PRKCB: variants seen among roughly 807,000 people sequenced by gnomAD.
PRKCB encodes protein kinase C beta type.
A neutral mutation model predicts 81.5 loss-of-function variants in PRKCB; 13 were observed. The ratio of observed to expected loss-of-function variants is 0.16; its 90% confidence interval spans 0.10 to 0.25. PRKCB has a LOEUF of 0.25. Ranked by LOEUF, PRKCB falls within the 10% of genes least tolerant of loss-of-function variation. The probability of loss-of-function intolerance (pLI) is 1.00; values close to 1 mark genes in which losing one functional copy is unlikely to be tolerated. For synonymous variants in PRKCB, 335 were observed against 321.4 expected, an observed-to-expected ratio of 1.04 and a Z score of -0.45; for missense variants, 509 against 875.7, an observed-to-expected ratio of 0.58 and a Z score of 5.29.
intron 8 of PRKCB, among the ~76,000 whole-genome samples, chr16:24,116,716 T>C (rs953368656): frequency 1.3e-5 from 2 of 152,228 alleles, no homozygotes; most frequent in Non-Finnish European, 2.9e-5. Context: ...AGGCAGTCTT[T>C]CCAGAGAACA....
chr16:24,198,044 T>G (rs1289097101), intron 16 of PRKCB, among the ~76,000 whole-genome samples: 2 of 152,168 alleles, frequency 1.3e-5, no homozygotes, highest in African/African-American at 4.8e-5. Context: ...TGTAGTGATA[T>G]CGGAGGGTGC....
chr16:23,949,504 G>C lies in PRKCB; in HGVS notation c.206-39004G>C, dbSNP rs113672590. 1.1e-3 allele frequency among the ~76,000 whole-genome samples: 167 copies of C among 152,282 alleles called. 1 individual carries two copies. Among genetic ancestry groups the C allele is most frequent in the African/African-American group, 3.8e-3 (157 of 41,572 alleles). ...CTTTCCTGGGGGTCCAACTTCCTCC[G>C]TTCTGCCCCTCTTTTTTCTCTACCT... On this transcript the variant is annotated intron_variant, in intron 2 of 16. Transcript: ENST00000643927.
At chr16:23,977,059 C>T (rs1291133983) in intron 2 of PRKCB, among the ~76,000 whole-genome samples, 1 of 152,074 alleles carries the variant, frequency 6.6e-6, no homozygotes, top group Non-Finnish European at 1.5e-5. Context: ...TTTTGTTTTT[C>T]CTTTTTAGTG....
intron 2 of PRKCB, among the ~76,000 whole-genome samples, chr16:23,972,325 G>T (rs912275358): frequency 6.6e-6 from 1 of 152,108 alleles, no homozygotes; most frequent in East Asian, 1.9e-4. Flanking sequence ...TGGTACATGC[G>T]TATAATACAT....
intron 2 of PRKCB, among the ~76,000 whole-genome samples, chr16:23,951,134 C>G (rs1360825013): frequency 6.6e-6 from 1 of 152,208 alleles, no homozygotes. Context: ...TGCTGAGTGA[C>G]TGTCATGTGC....
chr16:24,215,322 G>A lies in PRKCB; in HGVS notation c.*506G>A, dbSNP rs1968209445. The A allele has an allele frequency of 1.0e-6, 1 of 986,090 alleles. No individual in the cohort carries two copies. The highest frequency in any genetic ancestry group is 1.2e-6 in the Non-Finnish European group (1 of 830,098). The allele number at this position is 986,090 out of a possible 1,614,324, so 61.1% of individuals were successfully genotyped here. On this transcript the variant is annotated 3_prime_UTR_variant, in exon 17 of 17. Transcript: ENST00000643927. The stretch of plus-strand genomic sequence containing the variant: ...GAAAAGAACATGCTCAAAATAAAAT[G>A]TTATCTGTTATTTTTGTAAACTCAA...
At chr16:23,871,253 T>C (rs1215319371) in intron 2 of PRKCB, among the ~76,000 whole-genome samples, 4 of 152,210 alleles carry the variant, frequency 2.6e-5, no homozygotes, top group African/African-American at 9.6e-5. Flanking sequence ...CAGCCTGCCA[T>C]GCTGGCTCCT....
In PRKCB at chr16:24,217,527, G is replaced by C; in HGVS notation, c.*2711G>C. 1.0e-6 allele frequency: 1 copy of C among 985,462 alleles called. No homozygotes were observed. The highest frequency in any genetic ancestry group is 1.1e-4 in the East Asian group (1 of 8,812). 61.0% of individuals were successfully genotyped at this position (985,462 alleles called of 1,614,324 possible). A position where few individuals can be genotyped will look rare whatever the true frequency, so the allele number is the denominator to read the frequency against. Reference sequence around the variant, plus strand: ...TCAAAGAAATGATCTCAACAGAGAAGCTTATTCTCTCCCAACTTCTACGGT... The same window carrying C: ...TCAAAGAAATGATCTCAACAGAGAACCTTATTCTCTCCCAACTTCTACGGT... On this transcript the variant is annotated 3_prime_UTR_variant, in exon 17 of 17. Coordinates refer to ENST00000643927, the MANE Select transcript of PRKCB (RefSeq NM_002738.7).
chr16:23,950,145 T>TTTTG (rs1567323535), intron 2 of PRKCB, among the ~76,000 whole-genome samples: 6 of 145,942 alleles, frequency 4.1e-5, no homozygotes, highest in African/African-American at 1.5e-4. Context: ...TTTTTTTTTT[T>TTTTG]TTTTTTTTTT....
chr16:24,134,395 A>C (rs894146277), intron 9 of PRKCB, among the ~76,000 whole-genome samples: 1 of 152,130 alleles, frequency 6.6e-6, no homozygotes, highest in Non-Finnish European at 1.5e-5. Flanking sequence ...CAGGAGTTCA[A>C]GACCAGCCCA....
chr16:24,026,029 G>A (rs1327452629), intron 3 of PRKCB, among the ~76,000 whole-genome samples: 1 of 152,214 alleles, frequency 6.6e-6, no homozygotes, highest in Non-Finnish European at 1.5e-5. Context: ...GGGTGTGGTG[G>A]TTCACACCTG....
intron 10 of PRKCB, among the ~76,000 whole-genome samples, chr16:24,162,552 G>A (rs1234472267): frequency 1.4e-5 from 2 of 147,834 alleles, no homozygotes; most frequent in African/African-American, 2.5e-5. Flanking sequence ...GGGCTCAAGC[G>A]ATCCCCCTGC....
rs1053039754 is a variant in PRKCB at position 24,220,169 on chromosome 16, G to C, written c.*5353G>C. 6.3e-7 allele frequency: 1 copy of C among 1,595,324 alleles called. No individual in the cohort carries two copies. Among genetic ancestry groups the C allele is most frequent in the African/African-American group, 1.3e-5 (1 of 74,472 alleles). ...GTGTAAGACTTCAAGCCAAGCGTAT[G>C]TATCAATTCTAGTCTTCCAGGATTC... On this transcript the variant is annotated 3_prime_UTR_variant, in exon 17 of 17. Transcript: ENST00000643927.
chr16:24,086,453 T>C (rs1490775306), intron 5 of PRKCB, among the ~76,000 whole-genome samples: 1 of 152,186 alleles, frequency 6.6e-6, no homozygotes, highest in African/African-American at 2.4e-5. Context: ...CTGACCTCAA[T>C]GAGCTTATCC....
intron 8 of PRKCB, 135 bp from the exon 9 acceptor site, chr16:24,123,700 G>C: frequency 1.2e-6 from 1 of 825,660 alleles, no homozygotes; most frequent in Non-Finnish European, 1.9e-6. Flanking sequence ...CTTGTGGAGT[G>C]ATGCATGGCT....
intron 5 of PRKCB, among the ~76,000 whole-genome samples, chr16:24,088,591 T>C (rs2141897728): frequency 6.6e-6 from 1 of 152,046 alleles, no homozygotes; most frequent in Admixed American, 6.6e-5. Flanking sequence ...TAGCTGGATG[T>C]AGTGGCACAT....
In PRKCB at chr16:24,126,028, G is replaced by A. The variant is rs548098124; in HGVS notation, c.1065+2047G>A. 3.3e-5 allele frequency among the ~76,000 whole-genome samples: 5 copies of A among 152,358 alleles called. No individual in the cohort carries two copies. In the South Asian group the frequency reaches 1.0e-3, roughly 32 times the overall value. ...ACTAAGCGTGGGATTAGTAGAATCA[G>A]TGAACTAGAAGATTATGGAAGAAAG... On this transcript the variant is annotated intron_variant, in intron 9 of 16. Transcript: ENST00000643927.
chr16:23,847,519 T>C (rs1045421066), intron 2 of PRKCB, among the ~76,000 whole-genome samples: 1 of 149,816 alleles, frequency 6.7e-6, no homozygotes, highest in Non-Finnish European at 1.5e-5. Context: ...CATCCACCCA[T>C]CCACCCAGCT....
chr16:24,191,335 C>A, intron 16 of PRKCB, 105 bp downstream of exon 16: 2 of 1,313,860 alleles, frequency 1.5e-6, no homozygotes, highest in Non-Finnish European at 2.1e-6. Flanking sequence ...GTCAATGTGT[C>A]TACTGGAACA....
Sources: gnomAD v4.1 joint callset for allele counts (sites outside exome capture counted in the v4.1 genomes callset) on GRCh38, gnomAD v4.1.1 for gene constraint, MANE v1.5 for transcripts, NCBI Gene and HGNC (gene_info 2026-07-23, HGNC 2026-07-21) for gene names.